CSPP1: variants seen among roughly 807,000 people sequenced by gnomAD.
The protein encoded by CSPP1 is centrosome and spindle pole-associated protein 1.
CSPP1 carries 126 observed loss-of-function variants against 164.4 expected under a neutral mutation model. The observed-to-expected ratio is 0.77, with a 90% confidence interval of 0.66 to 0.89. CSPP1 has a LOEUF of 0.89. CSPP1 is among the 40% of genes least tolerant of loss of function. CSPP1 has a pLI of 0.00. For synonymous variants in CSPP1, 472 were observed against 476.7 expected (o/e 0.99, Z 0.13); for missense variants, 1,395 against 1,449.8 (o/e 0.96, Z 0.61).
At chr8:67,178,276 T>C (rs1832158646) in intron 27 of CSPP1, among the ~76,000 whole-genome samples, 1 of 152,006 alleles carries the variant, frequency 6.6e-6, no homozygotes, top group Non-Finnish European at 1.5e-5. Flanking sequence ...ACAAAGAAAA[T>C]AAGCAAAGGA....
At chr8:67,126,097 G>A (rs1449697149) in intron 15 of CSPP1, among the ~76,000 whole-genome samples, 2 of 152,196 alleles carry the variant, frequency 1.3e-5, no homozygotes, top group African/African-American at 4.8e-5. Context: ...CTCTCAAAGT[G>A]CTGGGATTAC....
intron 16 of CSPP1, among the ~76,000 whole-genome samples, chr8:67,136,423 A>G (rs1822275297): frequency 6.6e-6 from 1 of 151,458 alleles, no homozygotes; most frequent in Non-Finnish European, 1.5e-5. Flanking sequence ...ACAAAAAATA[A>G]CTGGGCGTGG....
In CSPP1 at chr8:67,159,011, G is replaced by C; in HGVS notation, c.2412G>C (p.Glu804Asp). 6.2e-7 allele frequency: 1 copy of C among 1,607,264 alleles called. No individual in the cohort carries two copies. The highest frequency in any genetic ancestry group is 8.5e-7 in the Non-Finnish European group (1 of 1,177,064). ...KEEEQRLKNE[E>D]HIRLAEERQK... ...TAAAGCAAAGGCTAAAAAATGAAGA[G>C]CATATTCGGTTAGCTGAAGAAAGAC... Residue 804 changes from glutamate to aspartate, a missense_variant, in exon 21 of 31, where the codon GAG (glutamate) becomes GAC (aspartate). Physicochemically the swap from Glu to Asp is conservative, Grantham distance 45 (BLOSUM62 2). Transcript: ENST00000678616.
chr8:67,079,831 T>C (rs1808773969), intron 3 of CSPP1, among the ~76,000 whole-genome samples: 1 of 152,240 alleles, frequency 6.6e-6, no homozygotes, highest in South Asian at 2.1e-4. Flanking sequence ...TGCATCCCGT[T>C]GTATTTCCAC....
At chr8:67,101,041 A>G (rs1049206300) in intron 7 of CSPP1, among the ~76,000 whole-genome samples, 4 of 152,144 alleles carry the variant, frequency 2.6e-5, no homozygotes, top group African/African-American at 9.7e-5. Context: ...ACAAAGTTTG[A>G]AGGAAACCAG....
chr8:67,096,330 G>T (rs1190360336), intron 7 of CSPP1, among the ~76,000 whole-genome samples: 1 of 152,134 alleles, frequency 6.6e-6, no homozygotes, highest in East Asian at 1.9e-4. Flanking sequence ...ACTTTGGGAG[G>T]CCGAGGCGGG....
In CSPP1 at chr8:67,158,334, A is replaced by G. The variant is rs2129560085; in HGVS notation, c.2242-113A>G. The G allele has an allele frequency of 2.6e-6, 3 of 1,176,258 alleles. No homozygotes were observed. In the East Asian group the frequency reaches 8.2e-5, roughly 32 times the overall value. 72.9% of individuals were successfully genotyped at this position (1,176,258 alleles called of 1,614,324 possible). ...ATACAGGAGACTGAAAAATTTAGGA[A>G]CATGCAAAAAGAGGGTACAAGTGTT... On this transcript the variant is annotated intron_variant, in intron 19 of 30. Transcript: ENST00000678616.
intron 18 of CSPP1, among the ~76,000 whole-genome samples, chr8:67,151,322 A>C (rs1306948290): frequency 2.6e-5 from 4 of 152,224 alleles, no homozygotes; most frequent in Non-Finnish European, 4.4e-5. Context: ...GTGTGTGGTA[A>C]GAACATCACA....
intron 19 of CSPP1, among the ~76,000 whole-genome samples, chr8:67,157,330 C>T (rs1826862870): frequency 6.6e-6 from 1 of 151,598 alleles, no homozygotes; most frequent in African/African-American, 2.4e-5. Context: ...GAGTCTCATT[C>T]TGTCGCCCAG....
chr8:67,128,515 G>A (rs1259289595), intron 15 of CSPP1, among the ~76,000 whole-genome samples: 2 of 150,714 alleles, frequency 1.3e-5, no homozygotes, highest in African/African-American at 2.5e-5. Context: ...CTCCAGCTTG[G>A]GCGACTAGAG....
In CSPP1 at chr8:67,095,635, C is replaced by T. The variant is rs772407637; in HGVS notation, c.826C>T (p.Pro276Ser). The T allele has an allele frequency of 8.1e-6, 13 of 1,612,898 alleles. No homozygotes were observed. The highest frequency in any genetic ancestry group is 1.1e-5 in the Non-Finnish European group (13 of 1,179,282). The change falls in exon 7 of 31, where the codon CCA becomes TCA. Residue 276 changes from proline to serine, a missense_variant. Physicochemically the swap from Pro to Ser is moderately conservative, Grantham distance 74. Coordinates refer to ENST00000678616, the MANE Select transcript of CSPP1 (RefSeq NM_001382391.1). ...DRVFDRRYHR[P>S]DQDPEVSEEM... is the part of the protein sequence containing the mutation. The stretch of plus-strand genomic sequence containing the variant: ...TGTTTTTGATAGACGGTATCATAGA[C>T]CAGACCAAGATCCTGAAGTAAGTGA...
chr8:67,076,656 GA>G, intron 3 of CSPP1, 75 bp downstream of exon 3: 2 of 793,762 alleles, frequency 2.5e-6, no homozygotes, highest in Non-Finnish European at 4.0e-6. Flanking sequence ...TGTCTTGTCA[GA>G]AAAAAAGATT....
chr8:67,100,096 C>T (rs1813728640), intron 7 of CSPP1, among the ~76,000 whole-genome samples: 1 of 151,972 alleles, frequency 6.6e-6, no homozygotes, highest in Non-Finnish European at 1.5e-5. Flanking sequence ...ATTTTTCGGT[C>T]TTGATCTTAT....
chr8:67,149,946 ACTTT>A lies in CSPP1; in HGVS notation c.2128+12_2128+15del. The A allele has an allele frequency of 2.2e-6, 3 of 1,365,164 alleles. No individual in the cohort carries two copies. The highest frequency in any genetic ancestry group is 3.5e-5 in the Admixed American group (1 of 28,792). The allele number at this position is 1,365,164 out of a possible 1,614,324, so 84.6% of individuals were successfully genotyped here. The stretch of plus-strand genomic sequence containing the variant: ...CAAATAAAAGCTCAGGTTTTTAATC[ACTTT>A]TTTTTTTTTTTTTTTTTTTTTACAT... On this transcript the variant is annotated intron_variant, in intron 18 of 30. Coordinates refer to ENST00000678616, the MANE Select transcript of CSPP1 (RefSeq NM_001382391.1).
intron 3 of CSPP1, chr8:67,083,548 A>AAAAAAAAAAAAAAAAAATATAT (rs1332248754): frequency 2.2e-5 from 2 of 91,484 alleles, no homozygotes; most frequent in African/African-American, 8.9e-5. Context: ...AAAAAAAAAA[A>AAAAAAAAAAAAAAAAAATATAT]ATATATATAT....
At chr8:67,142,666 CT>C (rs879420523) in intron 17 of CSPP1, among the ~76,000 whole-genome samples, 2 of 152,010 alleles carry the variant, frequency 1.3e-5, no homozygotes, top group Non-Finnish European at 2.9e-5. Flanking sequence ...ATTTTTATTT[CT>C]TTTGGGTAAG....
intron 3 of CSPP1, among the ~76,000 whole-genome samples, chr8:67,082,473 T>G (rs1289145228): frequency 1.3e-5 from 2 of 152,204 alleles, no homozygotes; most frequent in Non-Finnish European, 2.9e-5. Flanking sequence ...AGTGATACCT[T>G]TATAGCTGAA....
At chr8:67,185,112 A>AC (rs1360258102) in intron 28 of CSPP1, among the ~76,000 whole-genome samples, 12 of 150,946 alleles carry the variant, frequency 7.9e-5, no homozygotes, top group Admixed American at 2.0e-4. Context: ...CTCAAAAAAA[A>AC]AAAAACAAAA....
intron 15 of CSPP1, among the ~76,000 whole-genome samples, chr8:67,125,004 TAA>T (rs1819785577): frequency 6.6e-6 from 1 of 152,166 alleles, no homozygotes; most frequent in Admixed American, 6.5e-5. Context: ...TAGAGAAGAA[TAA>T]AGTTACAAAC....
Sources: gnomAD v4.1 joint callset for allele counts (sites outside exome capture counted in the v4.1 genomes callset) on GRCh38, gnomAD v4.1.1 for gene constraint, MANE v1.5 for transcripts, NCBI Gene and HGNC (gene_info 2026-07-23, HGNC 2026-07-21) for gene names.